Variants in ASTN2 observed in about 807,000 individuals in gnomAD.
ASTN2 encodes the protein astrotactin 2, also known as astrotactin-2.
Under a neutral mutation model 139.8 loss-of-function variants are expected in ASTN2, and 54 were observed. The observed-to-expected ratio is 0.39, with a 90% CI of 0.31 to 0.48. The LOEUF is 0.48. ASTN2 is among the 20% of genes least tolerant of loss of function. The probability of loss-of-function intolerance (pLI) is 0.95; values close to 1 mark genes in which losing one functional copy is unlikely to be tolerated. For synonymous variants in ASTN2, 756 were observed against 719.5 expected (o/e 1.05, Z -0.81); for missense variants, 1,565 against 1,725.1 (o/e 0.91, Z 1.64).
chr9:117,240,756 C>T (rs1833181007), intron 2 of ASTN2, among the ~76,000 whole-genome samples: 1 of 152,098 alleles, frequency 6.6e-6, no homozygotes, highest in Admixed American at 6.5e-5. Context: ...TTTTCCAATC[C>T]TCATTTTGTA....
chr9:116,701,604 C>T (rs1339023441), intron 16 of ASTN2, among the ~76,000 whole-genome samples: 1 of 152,168 alleles, frequency 6.6e-6, no homozygotes, highest in African/African-American at 2.4e-5. Context: ...AGGAATCCTC[C>T]AGCTGTCTGT....
At chr9:117,361,860 A>G (rs1367005083) in intron 1 of ASTN2, among the ~76,000 whole-genome samples, 1 of 152,184 alleles carries the variant, frequency 6.6e-6, no homozygotes, top group Non-Finnish European at 1.5e-5. Flanking sequence ...TATATTGCAT[A>G]TCAAGTTCTT....
At chr9:116,569,144 G>C (rs1169544188) in intron 19 of ASTN2, among the ~76,000 whole-genome samples, 3 of 152,132 alleles carry the variant, frequency 2.0e-5, no homozygotes, top group African/African-American at 7.2e-5. Flanking sequence ...TGAGTAGTCA[G>C]GGAAGCAACG....
intron 10 of ASTN2, among the ~76,000 whole-genome samples, chr9:116,927,699 G>A (rs112308365): frequency 0.043 from 6,605 of 152,182 alleles, 306 homozygotes; most frequent in African/African-American, 0.11. Flanking sequence ...GTGCCTGAGC[G>A]CCAGCTCCCT....
intron 19 of ASTN2, among the ~76,000 whole-genome samples, chr9:116,562,850 G>A (rs970677041): frequency 6.6e-6 from 1 of 151,796 alleles, no homozygotes; most frequent in East Asian, 1.9e-4. Context: ...GGGAAGGTTC[G>A]GAAAGCTCAT....
chr9:116,937,877 A>T (rs1013298700), intron 10 of ASTN2, among the ~76,000 whole-genome samples: 5 of 152,196 alleles, frequency 3.3e-5, no homozygotes, highest in African/African-American at 1.2e-4. Context: ...CATAAAGTTC[A>T]CTGTCTAACA....
chr9:116,767,787 A>G (rs540541335), intron 13 of ASTN2, among the ~76,000 whole-genome samples: 1 of 152,316 alleles, frequency 6.6e-6, no homozygotes, highest in East Asian at 1.9e-4. Flanking sequence ...CTTAACAATG[A>G]TGGGGAACAG....
intron 5 of ASTN2, among the ~76,000 whole-genome samples, chr9:117,064,251 G>C (rs1474531713): frequency 6.6e-6 from 1 of 152,084 alleles, no homozygotes. Flanking sequence ...GGGCCGCTGG[G>C]ATGGCCAGTG....
intron 13 of ASTN2, among the ~76,000 whole-genome samples, chr9:116,776,745 G>C (rs1830096174): frequency 6.6e-6 from 1 of 152,076 alleles, no homozygotes; most frequent in Non-Finnish European, 1.5e-5. Context: ...AAACAGAACT[G>C]GTCCTTCTAG....
At chr9:116,906,453 C>T (rs1834163546) in intron 10 of ASTN2, among the ~76,000 whole-genome samples, 1 of 8,780 alleles carries the variant, frequency 1.1e-4, no homozygotes, top group Non-Finnish European at 1.0e-3. Flanking sequence ...AGATTCCAGC[C>T]CCCCCAGACA....
chr9:116,681,731 A>G (rs1185307852), intron 16 of ASTN2, among the ~76,000 whole-genome samples: 1 of 152,196 alleles, frequency 6.6e-6, no homozygotes, highest in East Asian at 1.9e-4. Flanking sequence ...CATATCTACA[A>G]CTATCTGATC....
At chr9:117,205,789 C>T (rs1350781159) in intron 3 of ASTN2, among the ~76,000 whole-genome samples, 2 of 152,124 alleles carry the variant, frequency 1.3e-5, no homozygotes, top group African/African-American at 2.4e-5. Flanking sequence ...AAGCTTTCAC[C>T]CGTTATCATC....
intron 3 of ASTN2, among the ~76,000 whole-genome samples, chr9:117,147,207 A>G (rs1369741801): frequency 1.3e-5 from 2 of 152,168 alleles, no homozygotes; most frequent in African/African-American, 4.8e-5. Context: ...AAAACTGTAC[A>G]CTTAAACTGT....
Position 116,442,409 on chromosome 9 carries a change from G to A in ASTN2, c.3598+44C>T, listed in dbSNP as rs1312333628. ...TGACTGTTGGGTGCAGAACTTAGGG[G>A]AAATATGGGAGTTACTTTGGAGTTG... is the stretch of plus-strand genomic sequence containing the variant. On this transcript the variant is annotated intron_variant, in intron 21 of 22. Coordinates refer to ENST00000313400, the MANE Select transcript of ASTN2 (RefSeq NM_001365068.1). The A allele has an allele frequency of 6.1e-6, 9 of 1,475,428 alleles. No individual in the cohort carries two copies. The East Asian group carries it at 9.0e-5, about 15-fold the overall frequency. 91.4% of individuals were successfully genotyped at this position (1,475,428 alleles called of 1,614,324 possible).
chr9:117,016,620 C>CAGGT (rs1564385814), intron 6 of ASTN2, among the ~76,000 whole-genome samples: 1 of 16,026 alleles, frequency 6.2e-5, no homozygotes, highest in Non-Finnish European at 1.1e-4. Context: ...CTATATCTAT[C>CAGGT]TATCTATATA....
intron 5 of ASTN2, among the ~76,000 whole-genome samples, chr9:117,042,932 G>A (rs958460502): frequency 2.0e-5 from 3 of 152,020 alleles, no homozygotes; most frequent in Admixed American, 6.6e-5. Flanking sequence ...GTGTGGTGGC[G>A]CAATCTCAGC....
At chr9:116,981,310 T>C (rs992375111) in intron 7 of ASTN2, among the ~76,000 whole-genome samples, 3 of 152,220 alleles carry the variant, frequency 2.0e-5, no homozygotes, top group Non-Finnish European at 4.4e-5. Context: ...ATATCATGAT[T>C]ACCATGAATT....
intron 4 of ASTN2, among the ~76,000 whole-genome samples, chr9:117,103,193 G>A (rs901633072): frequency 1.3e-5 from 2 of 152,168 alleles, no homozygotes; most frequent in African/African-American, 4.8e-5. Context: ...TCTAGGTACT[G>A]AAGATAAAGC....
intron 3 of ASTN2, among the ~76,000 whole-genome samples, chr9:117,171,314 G>T (rs1387576798): frequency 6.6e-6 from 1 of 152,190 alleles, no homozygotes; most frequent in Non-Finnish European, 1.5e-5. Context: ...AGGCTCCAGA[G>T]AAAGCCCTGC....
Sources: allele counts gnomAD v4.1 joint callset (sites outside exome capture counted in the v4.1 genomes callset), GRCh38; gene constraint gnomAD v4.1.1; transcripts MANE v1.5; gene names NCBI Gene and HGNC (gene_info 2026-07-23, HGNC 2026-07-21).